Variants in CAMTA1 observed in about 807,000 individuals in gnomAD.
CAMTA1 encodes calmodulin binding transcription activator 1.
In CAMTA1, 27 loss-of-function variants were observed where a neutral mutation model predicts 170.9. The observed-to-expected ratio is 0.16, with a 90% CI of 0.12 to 0.22. The LOEUF (loss-of-function observed/expected upper bound fraction) is 0.22. Among genes scored for constraint, CAMTA1 ranks in the 10% least tolerant of loss-of-function variants. The pLI is 1.00. For missense variants in CAMTA1, 1,619 were observed against 2,217.2 expected (o/e 0.73, Z 5.42); for synonymous variants, 833 against 891.5 (o/e 0.93, Z 1.17).
chr1:6,883,888 C>T (rs919852258), intron 3 of CAMTA1, among the ~76,000 whole-genome samples: 4 of 151,934 alleles, frequency 2.6e-5, no homozygotes, highest in African/African-American at 7.3e-5. Context: ...TTTTATTTTA[C>T]CCAGTAAGTC....
At chr1:7,197,015 A>G (rs1313543200) in intron 4 of CAMTA1, among the ~76,000 whole-genome samples, 1 of 152,150 alleles carries the variant, frequency 6.6e-6, no homozygotes, top group Admixed American at 6.5e-5. Flanking sequence ...TTTTTTTTCT[A>G]ATTAAGAATT....
At chr1:7,468,651 C>T (rs1056440152) in intron 6 of CAMTA1, among the ~76,000 whole-genome samples, 1 of 152,246 alleles carries the variant, frequency 6.6e-6, no homozygotes, top group African/African-American at 2.4e-5. Context: ...CTCTGATTTG[C>T]AGCTGTTCTT....
At chr1:7,670,724 G>A (rs1473354396) in intron 9 of CAMTA1, among the ~76,000 whole-genome samples, 187 bp from the exon 10 acceptor site, 2 of 152,200 alleles carry the variant, frequency 1.3e-5, no homozygotes, top group African/African-American at 4.8e-5. Flanking sequence ...TCCTCTTGCT[G>A]TAGTCCTGGA....
intron 3 of CAMTA1, among the ~76,000 whole-genome samples, chr1:7,071,646 AATTAATATCT>A (rs1437019600): frequency 6.6e-6 from 1 of 152,234 alleles, no homozygotes; most frequent in Non-Finnish European, 1.5e-5. Context: ...TTAAAAAGCC[AATTAATATCT>A]AACCATTAAA....
chr1:6,995,794 A>C (rs1240476608), intron 3 of CAMTA1, among the ~76,000 whole-genome samples: 1 of 146,344 alleles, frequency 6.8e-6, no homozygotes, highest in Non-Finnish European at 1.5e-5. Flanking sequence ...GGAGGGAGCA[A>C]GGAGAAGTAT....
At chr1:7,383,987 A>G (rs2149083377) in intron 5 of CAMTA1, among the ~76,000 whole-genome samples, 1 of 152,242 alleles carries the variant, frequency 6.6e-6, no homozygotes, top group East Asian at 1.9e-4. Context: ...CATACATGTA[A>G]TGGAGCAAAG....
chr1:7,220,833 G>C (rs1202520978), intron 4 of CAMTA1, among the ~76,000 whole-genome samples: 1 of 152,216 alleles, frequency 6.6e-6, no homozygotes, highest in Admixed American at 6.5e-5. Context: ...AACTTCCCAC[G>C]AGTGCCTGGA....
chr1:7,048,403 C>T lies in CAMTA1; in HGVS notation c.235-42901C>T, dbSNP rs150488543. ...GTCACAGTGGGAGCCATTTGAAAAACAAAGTACAATTAAAAGTTTAATTTT... is the reference window on the plus strand; with the variant it reads ...GTCACAGTGGGAGCCATTTGAAAAATAAAGTACAATTAAAAGTTTAATTTT... On this transcript the variant is annotated intron_variant, in intron 3 of 22. Transcript: ENST00000303635. 1.8e-3 allele frequency among the ~76,000 whole-genome samples: 281 copies of T among 152,206 alleles called. 1 individual carries two copies. The highest frequency in any genetic ancestry group is 6.3e-3 in the African/African-American group (260 of 41,530).
At chr1:7,524,415 A>G (rs1206881425) in intron 6 of CAMTA1, among the ~76,000 whole-genome samples, 2 of 152,160 alleles carry the variant, frequency 1.3e-5, no homozygotes, top group African/African-American at 2.4e-5. Context: ...TTAGGCAATC[A>G]TGTCATCTGT....
chr1:7,724,516 A>G (rs1218439233), intron 11 of CAMTA1, among the ~76,000 whole-genome samples: 1 of 152,204 alleles, frequency 6.6e-6, no homozygotes, highest in Non-Finnish European at 1.5e-5. Flanking sequence ...CTCAGGCATA[A>G]GAGAGTCATA....
At chr1:7,246,883 G>T (rs1356946338) in intron 4 of CAMTA1, among the ~76,000 whole-genome samples, 1 of 152,002 alleles carries the variant, frequency 6.6e-6, no homozygotes, top group Non-Finnish European at 1.5e-5. Flanking sequence ...GGCCAGGCTG[G>T]TTCCAAACTC....
At chr1:7,202,464 A>G (rs926697335) in intron 4 of CAMTA1, among the ~76,000 whole-genome samples, 11 of 152,192 alleles carry the variant, frequency 7.2e-5, no homozygotes, top group African/African-American at 2.7e-4. Flanking sequence ...GACTCTGTAG[A>G]GCAGTTTGGA....
intron 5 of CAMTA1, among the ~76,000 whole-genome samples, chr1:7,415,955 G>C (rs1017411297): frequency 6.6e-6 from 1 of 152,138 alleles, no homozygotes; most frequent in Admixed American, 6.5e-5. Context: ...GGCAGGCCTG[G>C]CGGTGACAAA....
Position 7,371,123 on chromosome 1 carries a change from G to A in CAMTA1, c.439-96707G>A, listed in dbSNP as rs1040808282. 1.6e-4 allele frequency among the ~76,000 whole-genome samples: 24 copies of A among 152,168 alleles called. No individual in the cohort carries two copies. The East Asian group carries it at 2.5e-3, about 16-fold the overall frequency. On this transcript the variant is annotated intron_variant, in intron 5 of 22. Transcript: ENST00000303635. ...AGACAGGGTTTCACCGTGTTATCCA[G>A]GTTGGTCTCGATCTCCTGACCTTGT...
At chr1:6,957,993 C>T (rs1043366907) in intron 3 of CAMTA1, among the ~76,000 whole-genome samples, 11 of 152,188 alleles carry the variant, frequency 7.2e-5, no homozygotes, top group Admixed American at 3.3e-4. Context: ...GCACTGGACT[C>T]GGCCTGCACC....
chr1:6,910,951 A>G (rs1679558076), intron 3 of CAMTA1, among the ~76,000 whole-genome samples: 1 of 152,212 alleles, frequency 6.6e-6, no homozygotes, highest in Non-Finnish European at 1.5e-5. Context: ...TGGACTTGCC[A>G]GGGAGCTGTG....
At chr1:7,403,866 C>G (rs2090098770) in intron 5 of CAMTA1, among the ~76,000 whole-genome samples, 2 of 152,146 alleles carry the variant, frequency 1.3e-5, no homozygotes, top group Non-Finnish European at 2.9e-5. Context: ...AGTCATTTTA[C>G]AAGTGAGGAA....
chr1:7,276,303 A>ATAATT, intron 5 of CAMTA1, among the ~76,000 whole-genome samples: 6 of 24,230 alleles, frequency 2.5e-4, no homozygotes, highest in African/African-American at 1.8e-3. Flanking sequence ...ATATATATAT[A>ATAATT]TTTTTTTTTT....
chr1:7,766,611 A>G lies in CAMTA1; in HGVS notation c.*120A>G. Reference sequence around the variant, plus strand: ...CACACACGCACACACACACACGTACACACACATACAAAATCCCTCTGCAGT... The same window carrying G: ...CACACACGCACACACACACACGTACGCACACATACAAAATCCCTCTGCAGT... On this transcript the variant is annotated 3_prime_UTR_variant, in exon 23 of 23. Coordinates refer to ENST00000303635, the MANE Select transcript of CAMTA1 (RefSeq NM_015215.4). 1.2e-6 allele frequency: 1 copy of G among 815,414 alleles called. No homozygotes were observed. Among genetic ancestry groups the G allele is most frequent in the South Asian group, 1.5e-5 (1 of 67,154 alleles). 50.5% of individuals were successfully genotyped at this position (815,414 alleles called of 1,614,324 possible). A position where few individuals can be genotyped will look rare whatever the true frequency, so the allele number is the denominator to read the frequency against.
Sources: gnomAD v4.1 joint callset for allele counts (sites outside exome capture counted in the v4.1 genomes callset) on GRCh38, gnomAD v4.1.1 for gene constraint, MANE v1.5 for transcripts, NCBI Gene and HGNC (gene_info 2026-07-23, HGNC 2026-07-21) for gene names.